KSR1: variants seen among roughly 807,000 people sequenced by gnomAD.
The protein encoded by KSR1 is kinase suppressor of ras 1.
In KSR1, 35 loss-of-function variants were observed where a neutral mutation model predicts 92.9. That is an observed-to-expected ratio of 0.38 (90% CI 0.29 to 0.50). The LOEUF (loss-of-function observed/expected upper bound fraction) is 0.50. Ranked by LOEUF, KSR1 falls within the 20% of genes least tolerant of loss-of-function variation. KSR1 has a pLI of 0.94. For missense variants in KSR1, 972 were observed against 1,158.5 expected, an observed-to-expected ratio of 0.84 and a Z score of 2.34; for synonymous variants, 467 against 472.6, an observed-to-expected ratio of 0.99 and a Z score of 0.15.
intron 1 of KSR1, among the ~76,000 whole-genome samples, chr17:27,491,176 G>A (rs373176832): frequency 6.6e-6 from 1 of 152,052 alleles, no homozygotes; most frequent in Admixed American, 6.6e-5. Context: ...GCTGGAGCAA[G>A]TATAGTGGCA....
intron 1 of KSR1, among the ~76,000 whole-genome samples, chr17:27,550,142 C>A (rs1167738973): frequency 6.6e-6 from 1 of 152,208 alleles, no homozygotes. Context: ...TGGGCTCAAG[C>A]GATCCTCCCA....
At chr17:27,505,000 C>T (rs2069325370) in intron 1 of KSR1, among the ~76,000 whole-genome samples, 1 of 152,186 alleles carries the variant, frequency 6.6e-6, no homozygotes, top group Non-Finnish European at 1.5e-5. Context: ...TGGGAGGGCT[C>T]TGTCCCATAA....
chr17:27,456,473 C>A lies in KSR1; in HGVS notation c.-171C>A, dbSNP rs2019162236. Reference sequence around the variant, plus strand: ...GTCGCCGCGGCTTTCGCTTTGCTGCCGCGGCTGGGAGGGTGGAAGCGGCAG... The same window carrying A: ...GTCGCCGCGGCTTTCGCTTTGCTGCAGCGGCTGGGAGGGTGGAAGCGGCAG... On this transcript the variant is annotated 5_prime_UTR_variant, in exon 1 of 21. Coordinates refer to ENST00000644974, the MANE Select transcript of KSR1 (RefSeq NM_001394583.1). The A allele has an allele frequency of 2.6e-6, 1 of 386,438 alleles. No individual in the cohort carries two copies. The highest frequency in any genetic ancestry group is 4.5e-6 in the Non-Finnish European group (1 of 220,250). 23.9% of individuals were successfully genotyped at this position (386,438 alleles called of 1,614,324 possible). A position where few individuals can be genotyped will look rare whatever the true frequency, so the allele number is the denominator to read the frequency against.
At position 27,626,030 on chromosome 17, in the gene KSR1, G is replaced by A. The variant is rs886525594; in HGVS notation, c.*2638G>A. The A allele has an allele frequency of 3.9e-5, 6 of 152,234 alleles. No individual in the cohort carries two copies. The highest frequency in any genetic ancestry group is 5.9e-5 in the Non-Finnish European group (4 of 68,066). 9.4% of individuals were successfully genotyped at this position (152,234 alleles called of 1,614,324 possible). A position where few individuals can be genotyped will look rare whatever the true frequency, so the allele number is the denominator to read the frequency against. ...TCAAAACACCCTCTGTCATCCTACG[G>A]CATTTCCTCTTGAGGTCACAGAGAG... is the stretch of plus-strand genomic sequence containing the variant. On this transcript the variant is annotated 3_prime_UTR_variant, in exon 21 of 21. Transcript: ENST00000644974.
At chr17:27,544,638 G>T (rs2071093355) in intron 1 of KSR1, among the ~76,000 whole-genome samples, 1 of 152,210 alleles carries the variant, frequency 6.6e-6, no homozygotes, top group Non-Finnish European at 1.5e-5. Context: ...CCAGCCCAGG[G>T]CCTCCCCTGT....
At chr17:27,574,847 T>C (rs2072443493) in intron 2 of KSR1, among the ~76,000 whole-genome samples, 2 of 152,180 alleles carry the variant, frequency 1.3e-5, no homozygotes, top group African/African-American at 2.4e-5. Context: ...TTACAGAAAA[T>C]CTGGAAAATA....
At chr17:27,537,698 TAAAC>T (rs1346946500) in intron 1 of KSR1, among the ~76,000 whole-genome samples, 2 of 151,994 alleles carry the variant, frequency 1.3e-5, no homozygotes, top group African/African-American at 2.4e-5. Context: ...CTCAAATAAA[TAAAC>T]AAACAATAAA....
At chr17:27,571,015 C>T (rs1031203197) in intron 2 of KSR1, among the ~76,000 whole-genome samples, 6 of 152,194 alleles carry the variant, frequency 3.9e-5, no homozygotes, top group African/African-American at 1.2e-4. Context: ...CAAAGAGGGG[C>T]GGGGACTTGT....
intron 2 of KSR1, among the ~76,000 whole-genome samples, chr17:27,567,977 C>G (rs1297883333): frequency 6.6e-6 from 1 of 152,232 alleles, no homozygotes; most frequent in Admixed American, 6.5e-5. Flanking sequence ...CCATTGGCCC[C>G]TTTCGTGCCC....
At chr17:27,623,166 C>G (rs1490400311) in intron 20 of KSR1, 148 bp from the exon 21 acceptor site, 2 of 674,702 alleles carry the variant, frequency 3.0e-6, no homozygotes, top group South Asian at 3.3e-5. Context: ...TGACCAGGGG[C>G]AGCTCTGCCA....
At position 27,597,201 on chromosome 17, in the gene KSR1, G is replaced by C. The variant is rs1305432467; in HGVS notation, c.1300-67G>C. ...TTCCTTTCCAGATGGGGAAGGGAGG[G>C]TGTGGCTGGTGGGAGGCAGGTGGGG... On this transcript the variant is annotated intron_variant, in intron 9 of 20. Coordinates refer to ENST00000644974, the MANE Select transcript of KSR1 (RefSeq NM_001394583.1). 9 of 1,494,690 alleles carry C rather than the reference G, an allele frequency of 6.0e-6. No individual in the cohort carries two copies. The Middle Eastern group carries it at 1.0e-3, about 173-fold the overall frequency. 92.6% of individuals were successfully genotyped at this position (1,494,690 alleles called of 1,614,324 possible).
intron 1 of KSR1, among the ~76,000 whole-genome samples, chr17:27,549,884 G>A (rs1183376870): frequency 5.9e-5 from 9 of 152,196 alleles, no homozygotes; most frequent in Non-Finnish European, 2.9e-5. Flanking sequence ...CTTGTCCAAG[G>A]TCACAGAGCT....
intron 19 of KSR1, among the ~76,000 whole-genome samples, chr17:27,618,470 C>G (rs1183420550): frequency 6.6e-6 from 1 of 152,208 alleles, no homozygotes; most frequent in African/African-American, 2.4e-5. Flanking sequence ...AGGTCTAGGG[C>G]AGGTAAACTG....
rs1187056213 is a variant in KSR1 at position 27,577,436 on chromosome 17, G to T, written c.373-56G>T. On this transcript the variant is annotated intron_variant, in intron 2 of 20. Transcript: ENST00000644974. The surrounding 1 kb of genome is among the most constrained non-coding windows in gnomAD (Gnocchi z 4.5). ...CAGGAGGCCAGCCTGAGGCTGAGGG[G>T]CTCCCGGCCCAGCCGACTGCTCACC... is the stretch of plus-strand genomic sequence containing the variant. The T allele has an allele frequency of 1.8e-6, 2 of 1,142,318 alleles. No homozygotes were observed. The highest frequency in any genetic ancestry group is 3.1e-5 in the African/African-American group (2 of 65,170). 70.8% of individuals were successfully genotyped at this position (1,142,318 alleles called of 1,614,324 possible). A position where few individuals can be genotyped will look rare whatever the true frequency, so the allele number is the denominator to read the frequency against.
At chr17:27,548,094 A>T (rs2071248807) in intron 1 of KSR1, among the ~76,000 whole-genome samples, 3 of 152,130 alleles carry the variant, frequency 2.0e-5, no homozygotes, top group African/African-American at 7.2e-5. Flanking sequence ...GTCGTTTTAT[A>T]CATTTCAAAG....
chr17:27,536,568 G>A (rs886708855), intron 1 of KSR1, among the ~76,000 whole-genome samples: 4 of 152,196 alleles, frequency 2.6e-5, no homozygotes, highest in African/African-American at 9.6e-5. Flanking sequence ...ATGCAAATCT[G>A]ATCACGTTTT....
intron 19 of KSR1, among the ~76,000 whole-genome samples, chr17:27,620,046 T>C (rs1461552349): frequency 6.6e-6 from 1 of 152,236 alleles, no homozygotes; most frequent in East Asian, 1.9e-4. Context: ...AAGCTGCAGT[T>C]GAGGAGAAAC....
intron 1 of KSR1, among the ~76,000 whole-genome samples, chr17:27,464,057 G>A (rs1171632785): frequency 6.6e-6 from 1 of 152,148 alleles, no homozygotes; most frequent in Non-Finnish European, 1.5e-5. Context: ...AGACCTGGAG[G>A]CCCACACCCT....
chr17:27,581,227 T>A (rs1961109), intron 3 of KSR1, among the ~76,000 whole-genome samples: 21,327 of 151,922 alleles, frequency 0.14, 1,657 homozygotes, highest in Admixed American at 0.23. Flanking sequence ...ACTCACTCTC[T>A]CGAGAACAGC....
Sources: gnomAD v4.1 joint callset for allele counts (sites outside exome capture counted in the v4.1 genomes callset) on GRCh38, gnomAD v4.1.1 for gene constraint, Gnocchi (gnomAD v3.1) non-coding constraint, MANE v1.5 for transcripts, NCBI Gene and HGNC (gene_info 2026-07-23, HGNC 2026-07-21) for gene names.